Variants in RTL9 observed in about 807,000 individuals in gnomAD.
RTL9 encodes the protein retrotransposon Gag-like protein 9.
Under a neutral mutation model 44.7 loss-of-function variants are expected in RTL9, and 19 were observed. The ratio of observed to expected loss-of-function variants is 0.42; its 90% CI spans 0.30 to 0.62. RTL9 has a LOEUF of 0.62. Ranked by LOEUF, RTL9 falls within the 20% of genes least tolerant of loss-of-function variation. RTL9 has a pLI of 0.16. For synonymous variants in RTL9, 407 were observed against 398.9 expected, an observed-to-expected ratio of 1.02 and a Z score of -0.24; for missense variants, 1,105 against 1,080.6, an observed-to-expected ratio of 1.02 and a Z score of -0.32.
At chrX:110,366,031 C>T (rs1048948550) in intron 1 of RTL9, among the ~76,000 whole-genome samples, 6 of 111,688 alleles carry the variant, frequency 5.4e-5, no homozygotes, top group African/African-American at 2.0e-4. Context: ...TCTCTGCAGA[C>T]TGGCTCAGCT....
Position 110,389,615 on chromosome X carries a change from T to G in RTL9, c.-168+30699T>G, listed in dbSNP as rs774533996. On this transcript the variant is annotated intron_variant, in intron 1 of 2. Transcript: ENST00000520821. ...CCCTTAAGGTTATTCAATCTTTTTGTTTTTTTTTTCTCATGTTACCTTGTG... is the reference window on the plus strand; with the variant it reads ...CCCTTAAGGTTATTCAATCTTTTTGGTTTTTTTTTCTCATGTTACCTTGTG... Among the ~76,000 whole-genome samples, 4 of 108,400 alleles carry G rather than the reference T, an allele frequency of 3.7e-5. No homozygotes were observed. The South Asian group carries it at 1.2e-3, about 32-fold the overall frequency. The allele number at this position is 108,400 out of a possible 115,157, so 94.1% of individuals were successfully genotyped here.
chrX:110,434,821 T>C (rs1284899048), intron 1 of RTL9, among the ~76,000 whole-genome samples: 1 of 109,840 alleles, frequency 9.1e-6, no homozygotes, highest in African/African-American at 3.3e-5. Context: ...CTGGATGGGG[T>C]TTCTCCTCTC....
chrX:110,360,957 C>T (rs2068259197), intron 1 of RTL9, among the ~76,000 whole-genome samples: 1 of 111,676 alleles, frequency 9.0e-6, no homozygotes, highest in Non-Finnish European at 1.9e-5. Flanking sequence ...CTTAGTGATG[C>T]TCCGATCTTC....
At chrX:110,376,259 A>T (rs1208930403) in intron 1 of RTL9, among the ~76,000 whole-genome samples, 1 of 111,156 alleles carries the variant, frequency 9.0e-6, no homozygotes, top group East Asian at 2.8e-4. Context: ...TCATCACTAG[A>T]AGCAGGATCG....
At chrX:110,416,678 G>A (rs2068679841), upstream of RTL9, among the ~76,000 whole-genome samples, 1 of 112,250 alleles carries the variant, frequency 8.9e-6, no homozygotes, top group East Asian at 2.8e-4. Flanking sequence ...TTTTGTAACA[G>A]ATTTGTACTT....
chrX:110,423,839 A>G (rs779057598), intron 1 of RTL9, among the ~76,000 whole-genome samples: 1 of 112,340 alleles, frequency 8.9e-6, no homozygotes, highest in Admixed American at 9.4e-5. Context: ...TAGGTGTTGC[A>G]TGGTAAGAAA....
At chrX:110,391,549 G>C (rs773588584) in intron 1 of RTL9, among the ~76,000 whole-genome samples, 145 of 111,761 alleles carry the variant, frequency 1.3e-3, no homozygotes, top group Non-Finnish European at 2.2e-3. Context: ...CCTACCTCTG[G>C]CTTTTGCTCA....
intron 1 of RTL9, among the ~76,000 whole-genome samples, chrX:110,432,508 C>T (rs1043170006): frequency 2.7e-5 from 3 of 111,835 alleles, no homozygotes; most frequent in Admixed American, 9.4e-5. Context: ...TGTGAGGCAG[C>T]GTTGGGGGCC....
At chrX:110,376,597 T>C (rs747557343) in intron 1 of RTL9, among the ~76,000 whole-genome samples, 1 of 112,322 alleles carries the variant, frequency 8.9e-6, no homozygotes, top group Admixed American at 9.4e-5. Context: ...CTCTGCCCTA[T>C]GAGGCAGCAC....
chrX:110,413,666 T>C (rs1352781326), intron 1 of RTL9, among the ~76,000 whole-genome samples: 1 of 109,642 alleles, frequency 9.1e-6, no homozygotes, highest in Non-Finnish European at 1.9e-5. Context: ...TGCTTCATCA[T>C]CAGTCAGAAC....
rs150193442 is a variant in RTL9 at position 110,424,037 on chromosome X, A to C, written c.-168+4902A>C. Among the ~76,000 whole-genome samples the C allele has an allele frequency of 7.3e-3, 817 of 111,935 alleles. 8 individuals are homozygous for C. Among genetic ancestry groups the C allele is most frequent in the African/African-American group, 0.026 (790 of 30,709 alleles). On this transcript the variant is annotated intron_variant, in intron 1 of 3. Transcript: ENST00000465301. ...GAGGTGTTGTGCTATGATATGCTTT[A>C]TATACCATATCTTATTTCATCCTCA...
At chrX:110,427,390 GTTA>G (rs1444799700) in intron 1 of RTL9, among the ~76,000 whole-genome samples, 1 of 111,861 alleles carries the variant, frequency 8.9e-6, no homozygotes, top group Non-Finnish European at 1.9e-5. Flanking sequence ...ACTTCTTAAA[GTTA>G]GAGTACGTAC....
chrX:110,452,596 A>G lies in RTL9; in HGVS notation c.1979A>G (p.Asp660Gly), dbSNP rs879126916. ...GCTCTGTCCATGCCGCAAATGACAG[A>G]CACAGCCTCTGGAGGGTTGTCTGCA... The change falls in exon 1 of 2, where the codon GAC (aspartate) becomes GGC (glycine). Residue 660 changes from aspartate (D) to glycine (G), a missense_variant. By Grantham distance (94) the Asp-to-Gly change is moderately conservative (BLOSUM62 -1). Transcript: ENST00000540313. 5 of 1,210,071 alleles carry G rather than the reference A, an allele frequency of 4.1e-6. No individual in the cohort carries two copies. The highest frequency in any genetic ancestry group is 4.5e-6 in the Non-Finnish European group (4 of 894,838).
At chrX:110,447,243 C>A (rs1358174962), upstream of RTL9, among the ~76,000 whole-genome samples, 1 of 103,156 alleles carries the variant, frequency 9.7e-6, no homozygotes, top group Admixed American at 1.1e-4. Flanking sequence ...CAATTCATCT[C>A]ATGGAGGCTC....
chrX:110,380,220 G>A (rs780058644), intron 1 of RTL9, among the ~76,000 whole-genome samples: 57 of 111,766 alleles, frequency 5.1e-4, no homozygotes, highest in Non-Finnish European at 9.2e-4. Flanking sequence ...TTGTGTTAGG[G>A]ACAGAACACA....
At chrX:110,393,232 A>G (rs1231944104) in intron 1 of RTL9, among the ~76,000 whole-genome samples, 2 of 108,338 alleles carry the variant, frequency 1.8e-5, no homozygotes, top group African/African-American at 3.4e-5. Flanking sequence ...CTTAACTTCC[A>G]GGACCCTCAT....
intron 1 of RTL9, among the ~76,000 whole-genome samples, chrX:110,386,945 A>G (rs1301286361): frequency 8.9e-6 from 1 of 112,458 alleles, no homozygotes; most frequent in Non-Finnish European, 1.9e-5. Context: ...ACCACAACAG[A>G]AAAGATGCCA....
intron 1 of RTL9, among the ~76,000 whole-genome samples, chrX:110,431,067 C>G (rs2068792666): frequency 1.8e-5 from 2 of 111,928 alleles, no homozygotes; most frequent in South Asian, 3.8e-4. Flanking sequence ...GTAATCCATT[C>G]CTTTGGCTGC....
chrX:110,449,741 A>T (rs745433989), upstream of RTL9, among the ~76,000 whole-genome samples: 15 of 112,657 alleles, frequency 1.3e-4, no homozygotes, highest in African/African-American at 4.8e-4. Context: ...TCAATGCTAT[A>T]CAGTTTGTTA....
Sources: allele counts gnomAD v4.1 joint callset (sites outside exome capture counted in the v4.1 genomes callset), GRCh38; gene constraint gnomAD v4.1.1; transcripts MANE v1.5; gene names NCBI Gene and HGNC (gene_info 2026-07-23, HGNC 2026-07-21).